ARHGAP22: variants seen among roughly 807,000 people sequenced by gnomAD.
ARHGAP22 encodes rho GTPase-activating protein 22.
A neutral mutation model predicts 59.1 loss-of-function variants in ARHGAP22; 48 were observed. The ratio of observed to expected loss-of-function variants is 0.81; its 90% CI spans 0.64 to 1.03. ARHGAP22 has a LOEUF of 1.03. Among genes scored for constraint, ARHGAP22 ranks in the 50% least tolerant of loss-of-function variants. The pLI is 0.00. For missense variants in ARHGAP22, 1,015 were observed against 958.7 expected, an observed-to-expected ratio of 1.06 and a Z score of -0.78; for synonymous variants, 445 against 416.4, an observed-to-expected ratio of 1.07 and a Z score of -0.84.
At chr10:48,577,843 C>T (rs1409190117) in intron 2 of ARHGAP22, among the ~76,000 whole-genome samples, 6 of 96,026 alleles carry the variant, frequency 6.2e-5, no homozygotes, top group African/African-American at 2.0e-4. Context: ...GACAGAGTCT[C>T]GCTCTGCTGC....
rs1564691549 is a variant in ARHGAP22, at chr10:48,459,821, C to T, written c.522G>A (p.Leu174=). The T allele has an allele frequency of 6.2e-7, 1 of 1,613,536 alleles. No individual in the cohort carries two copies. Among genetic ancestry groups the T allele is most frequent in the East Asian group, 2.2e-5 (1 of 44,896 alleles). ...ERKYGPRLAP[L]LVEQCVDFIR... is the part of the protein sequence containing the mutation. ...TGAAGTCCACACACTGCTCCACCAG[C>T]AGGGGCGCCAGGCGGGGGCCATACT... The change falls in exon 5 of 10, where the codon CTG becomes CTA. Residue 174 remains leucine, a synonymous_variant. Coordinates refer to ENST00000249601, the MANE Select transcript of ARHGAP22 (RefSeq NM_021226.4).
At chr10:48,508,449 G>A (rs1033738444) in intron 3 of ARHGAP22, among the ~76,000 whole-genome samples, 1 of 152,256 alleles carries the variant, frequency 6.6e-6, no homozygotes, top group African/African-American at 2.4e-5. Flanking sequence ...TTCCCACCCG[G>A]GAGGGGGTCC....
intron 1 of ARHGAP22, among the ~76,000 whole-genome samples, chr10:48,646,995 A>G (rs1011739498): frequency 1.3e-5 from 2 of 152,244 alleles, no homozygotes; most frequent in African/African-American, 4.8e-5. Context: ...TATATCTGAT[A>G]ATAGATTTGT....
chr10:48,561,239 TA>T (rs1276998140), intron 2 of ARHGAP22, among the ~76,000 whole-genome samples: 1 of 152,146 alleles, frequency 6.6e-6, no homozygotes, highest in Non-Finnish European at 1.5e-5. Flanking sequence ...GACAAAGGTG[TA>T]AAGGCAATTC....
chr10:48,613,171 C>G (rs925906141), intron 1 of ARHGAP22, among the ~76,000 whole-genome samples: 2 of 152,190 alleles, frequency 1.3e-5, no homozygotes, highest in African/African-American at 2.4e-5. Flanking sequence ...AGTGACTCTT[C>G]TTTTAAGGCT....
chr10:48,464,771 T>C (rs966598689), intron 4 of ARHGAP22, among the ~76,000 whole-genome samples: 1 of 152,140 alleles, frequency 6.6e-6, no homozygotes, highest in Admixed American at 6.5e-5. Flanking sequence ...TCTCCATCTA[T>C]GAAATCTATA....
intron 2 of ARHGAP22, among the ~76,000 whole-genome samples, chr10:48,568,350 G>A (rs1399699264): frequency 6.6e-6 from 1 of 152,208 alleles, no homozygotes; most frequent in Non-Finnish European, 1.5e-5. Context: ...ATGAGATCCT[G>A]GGAGTTTGCA....
intron 3 of ARHGAP22, among the ~76,000 whole-genome samples, chr10:48,534,143 T>C (rs2134999875): frequency 6.6e-6 from 1 of 152,340 alleles, no homozygotes; most frequent in African/African-American, 2.4e-5. Context: ...CTCGGGCCAA[T>C]GGGCCTTCAG....
At chr10:48,580,631 C>A (rs1431431408) in intron 2 of ARHGAP22, among the ~76,000 whole-genome samples, 1 of 152,166 alleles carries the variant, frequency 6.6e-6, no homozygotes, top group Non-Finnish European at 1.5e-5. Flanking sequence ...TGACAGATCA[C>A]CAACAGGTCA....
At chr10:48,634,049 A>G (rs756445120) in intron 1 of ARHGAP22, among the ~76,000 whole-genome samples, 9 of 152,152 alleles carry the variant, frequency 5.9e-5, no homozygotes, top group Non-Finnish European at 1.0e-4. Context: ...ACTGGCAGGA[A>G]GTGTTATCTG....
intron 1 of ARHGAP22, among the ~76,000 whole-genome samples, chr10:48,599,628 C>T (rs938905581): frequency 1.3e-5 from 2 of 152,234 alleles, no homozygotes; most frequent in African/African-American, 4.8e-5. Context: ...CTGAGCCCAC[C>T]ACACACCTTT....
intron 3 of ARHGAP22, among the ~76,000 whole-genome samples, chr10:48,532,332 C>A (rs141393721): frequency 0.01 from 1,539 of 152,144 alleles, 32 homozygotes; most frequent in African/African-American, 0.033. Context: ...TCCCTGCCCC[C>A]ACCCCCTTCT....
chr10:48,528,917 C>T (rs1478817402), intron 3 of ARHGAP22, among the ~76,000 whole-genome samples: 2 of 152,170 alleles, frequency 1.3e-5, no homozygotes, highest in Non-Finnish European at 2.9e-5. Flanking sequence ...AGAAGCCAAG[C>T]AGATGTTAGT....
Position 48,446,162 on chromosome 10 carries a change from C to T in ARHGAP22, c.*229G>A. ...TAAGGGCTAAGCGCTACTCTTGGTA[C>T]CGTCCCCTTCTGACCCTCACCAGGA... On this transcript the variant is annotated 3_prime_UTR_variant, in exon 10 of 10. Transcript: ENST00000249601. The T allele has an allele frequency of 6.9e-6, 4 of 583,234 alleles. No homozygotes were observed. Among genetic ancestry groups the T allele is most frequent in the Non-Finnish European group, 1.2e-5 (4 of 329,664 alleles). The allele number at this position is 583,234 out of a possible 1,614,324, so 36.1% of individuals were successfully genotyped here. A position where few individuals can be genotyped will look rare whatever the true frequency, so the allele number is the denominator to read the frequency against.
chr10:48,592,813 G>C (rs2059843524), intron 1 of ARHGAP22, among the ~76,000 whole-genome samples: 1 of 152,158 alleles, frequency 6.6e-6, no homozygotes, highest in Non-Finnish European at 1.5e-5. Flanking sequence ...GATATTCCCT[G>C]CTCCCAGCTG....
intron 9 of ARHGAP22, among the ~76,000 whole-genome samples, chr10:48,449,826 G>A (rs2045722536): frequency 6.6e-6 from 1 of 152,202 alleles, no homozygotes; most frequent in Non-Finnish European, 1.5e-5. Flanking sequence ...CAAGGAAGGG[G>A]TCCTCACTTC....
At chr10:48,475,683 G>A (rs911318783) in intron 4 of ARHGAP22, among the ~76,000 whole-genome samples, 2 of 151,994 alleles carry the variant, frequency 1.3e-5, no homozygotes, top group Non-Finnish European at 1.5e-5. Flanking sequence ...ACTTCTTATC[G>A]CCACCACCAC....
chr10:48,565,915 T>A (rs2058020420), intron 2 of ARHGAP22, among the ~76,000 whole-genome samples: 1 of 152,198 alleles, frequency 6.6e-6, no homozygotes, highest in South Asian at 2.1e-4. Flanking sequence ...ACTTCAGTAG[T>A]CCTAGCATGG....
intron 2 of ARHGAP22, among the ~76,000 whole-genome samples, chr10:48,582,035 C>G (rs894577529): frequency 2.0e-5 from 3 of 152,196 alleles, no homozygotes; most frequent in Non-Finnish European, 4.4e-5. Context: ...CTTAGAAGAA[C>G]TGAAAGAGGA....
Sources: allele counts gnomAD v4.1 joint callset (sites outside exome capture counted in the v4.1 genomes callset), GRCh38; gene constraint gnomAD v4.1.1; transcripts MANE v1.5; gene names NCBI Gene and HGNC (gene_info 2026-07-23, HGNC 2026-07-21).